Variants in ANO6 observed in about 807,000 individuals in gnomAD.
ANO6 encodes anoctamin-6.
Under a neutral mutation model 117.5 loss-of-function variants are expected in ANO6, and 106 were observed. The ratio of observed to expected loss-of-function variants is 0.90; its 90% CI spans 0.77 to 1.06. ANO6 has a LOEUF of 1.06. ANO6 is among the 50% of genes least tolerant of loss of function. ANO6 has a pLI of 0.00. For synonymous variants in ANO6, 367 were observed against 385.1 expected (o/e 0.95, Z 0.55); for missense variants, 955 against 1,121.1 (o/e 0.85, Z 2.12).
At chr12:45,239,703 T>G (rs988057955) in intron 1 of ANO6, among the ~76,000 whole-genome samples, 1 of 152,346 alleles carries the variant, frequency 6.6e-6, no homozygotes, top group Admixed American at 6.5e-5. Flanking sequence ...AATTTCCCTC[T>G]GCACACTGCT....
chr12:45,350,849 C>T, intron 7 of ANO6, 75 bp downstream of exon 7: 1 of 1,221,364 alleles, frequency 8.2e-7, no homozygotes, highest in Non-Finnish European at 1.2e-6. Context: ...TGTGACAGTA[C>T]TCATCAAGAC....
At chr12:45,344,116 G>T (rs1329157024) in intron 3 of ANO6, among the ~76,000 whole-genome samples, 2 of 152,158 alleles carry the variant, frequency 1.3e-5, no homozygotes, top group Non-Finnish European at 2.9e-5. Flanking sequence ...GTGCCAGAAA[G>T]CACATGAATA....
At chr12:45,390,385 C>A in intron 11 of ANO6, 36 bp from the exon 12 acceptor site, 1 of 1,471,856 alleles carries the variant, frequency 6.8e-7, no homozygotes, top group Admixed American at 1.7e-5. Context: ...TACAGTAATC[C>A]CTTGATTGAC....
intron 16 of ANO6, among the ~76,000 whole-genome samples, chr12:45,411,410 T>G (rs1219975233): frequency 6.6e-6 from 1 of 152,236 alleles, no homozygotes; most frequent in Non-Finnish European, 1.5e-5. Context: ...ACTTGATTTC[T>G]GAATTTCTGG....
At chr12:45,249,642 C>T (rs1947873691) in intron 1 of ANO6, among the ~76,000 whole-genome samples, 1 of 152,036 alleles carries the variant, frequency 6.6e-6, no homozygotes, top group Non-Finnish European at 1.5e-5. Flanking sequence ...AAGAGAGAGC[C>T]ATCAGATAGT....
chr12:45,402,983 A>C lies in ANO6; in HGVS notation c.1613-89A>C, dbSNP rs540482134. ...GAATTGTATTTTTTTAACGTGTTTA[A>C]CGTGTTAACTCATGTATCAGTATTT... On this transcript the variant is annotated intron_variant, in intron 13 of 19. Transcript: ENST00000320560. The C allele has an allele frequency of 4.1e-6, 5 of 1,214,502 alleles. No homozygotes were observed. The African/African-American group carries it at 7.7e-5, about 19-fold the overall frequency. 75.2% of individuals were successfully genotyped at this position (1,214,502 alleles called of 1,614,324 possible).
chr12:45,253,786 C>A (rs1361930262), intron 1 of ANO6, among the ~76,000 whole-genome samples: 1 of 152,134 alleles, frequency 6.6e-6, no homozygotes. Context: ...GTATTACTAA[C>A]CCCTATAATG....
chr12:45,352,019 T>C (rs1827758671), intron 7 of ANO6, among the ~76,000 whole-genome samples: 1 of 151,892 alleles, frequency 6.6e-6, no homozygotes, highest in Non-Finnish European at 1.5e-5. Context: ...AGGACTTGTT[T>C]ATGGATTGGA....
chr12:45,384,382 C>T (rs935262900), intron 10 of ANO6, among the ~76,000 whole-genome samples: 1 of 152,168 alleles, frequency 6.6e-6, no homozygotes, highest in Non-Finnish European at 1.5e-5. Flanking sequence ...AGAACTTTTC[C>T]TTTGCACTCA....
chr12:45,320,329 C>T (rs920860659), intron 2 of ANO6, among the ~76,000 whole-genome samples: 6 of 151,912 alleles, frequency 3.9e-5, no homozygotes, highest in Admixed American at 6.6e-5. Flanking sequence ...TCTTTTTTCT[C>T]GTTGGTTTCA....
At chr12:45,411,839 G>T in intron 16 of ANO6, among the ~76,000 whole-genome samples, 1 of 152,140 alleles carries the variant, frequency 6.6e-6, no homozygotes, top group East Asian at 1.9e-4. Context: ...TGCCGTGGTG[G>T]TATACGCTCT....
At chr12:45,305,576 G>C (rs1250867731) in intron 2 of ANO6, among the ~76,000 whole-genome samples, 2 of 152,162 alleles carry the variant, frequency 1.3e-5, no homozygotes, top group Non-Finnish European at 2.9e-5. Context: ...TGGGGACATG[G>C]ATGAAAATAG....
Position 45,430,696 on chromosome 12 carries a change from C to T in ANO6, c.*1385C>T. ...CCTACCATTATCTGGAGATTACTTC[C>T]TGCTGCACTCCTGTCTTGCCATGCA... On this transcript the variant is annotated 3_prime_UTR_variant, in exon 20 of 20. Coordinates refer to ENST00000320560, the MANE Select transcript of ANO6 (RefSeq NM_001025356.3). 4 of 985,410 alleles carry T rather than the reference C, an allele frequency of 4.1e-6. No homozygotes were observed. The highest frequency in any genetic ancestry group is 4.8e-6 in the Non-Finnish European group (4 of 829,958). 61.0% of individuals were successfully genotyped at this position (985,410 alleles called of 1,614,324 possible). A position where few individuals can be genotyped will look rare whatever the true frequency, so the allele number is the denominator to read the frequency against.
At chr12:45,252,394 A>G (rs1263964195) in intron 1 of ANO6, among the ~76,000 whole-genome samples, 1 of 152,234 alleles carries the variant, frequency 6.6e-6, no homozygotes, top group Non-Finnish European at 1.5e-5. Flanking sequence ...ATTTAAGCAA[A>G]TATTACAGGA....
chr12:45,255,386 C>T (rs1184363229), intron 1 of ANO6, among the ~76,000 whole-genome samples: 1 of 152,100 alleles, frequency 6.6e-6, no homozygotes, highest in Non-Finnish European at 1.5e-5. Flanking sequence ...ACCTGTAGTC[C>T]CAGCTACTCG....
chr12:45,335,970 T>C (rs1940812473), intron 3 of ANO6, among the ~76,000 whole-genome samples: 5 of 152,020 alleles, frequency 3.3e-5, no homozygotes, highest in Non-Finnish European at 7.4e-5. Context: ...TTCTTTGCCA[T>C]ATTTATACTT....
chr12:45,368,705 A>C (rs751392645), intron 9 of ANO6, among the ~76,000 whole-genome samples: 1 of 152,154 alleles, frequency 6.6e-6, no homozygotes, highest in Non-Finnish European at 1.5e-5. Flanking sequence ...TCTTCTCTCT[A>C]TCCCCTTGTT....
chr12:45,319,022 C>G (rs1382675917), intron 2 of ANO6, among the ~76,000 whole-genome samples: 1 of 152,140 alleles, frequency 6.6e-6, no homozygotes, highest in Non-Finnish European at 1.5e-5. Flanking sequence ...TGAACTGAGC[C>G]GATGGGGTTT....
chr12:45,432,202 C>T lies in ANO6; in HGVS notation c.*2891C>T, dbSNP rs1943648574. 1.0e-6 allele frequency: 1 copy of T among 984,082 alleles called. No homozygotes were observed. Among genetic ancestry groups the T allele is most frequent in the African/African-American group, 1.8e-5 (1 of 57,062 alleles). 61.0% of individuals were successfully genotyped at this position (984,082 alleles called of 1,614,324 possible). On this transcript the variant is annotated 3_prime_UTR_variant, in exon 20 of 20. Coordinates refer to ENST00000320560, the MANE Select transcript of ANO6 (RefSeq NM_001025356.3). ...GTAGAACTATTCATGATGCTTTTCA[C>T]ACATTGTGGCATAAGATGTAAAGTT...
Sources: gnomAD v4.1 joint callset for allele counts (sites outside exome capture counted in the v4.1 genomes callset) on GRCh38, gnomAD v4.1.1 for gene constraint, MANE v1.5 for transcripts, NCBI Gene and HGNC (gene_info 2026-07-23, HGNC 2026-07-21) for gene names.